The following KLC4 variants were observed in gnomAD, a reference collection of about 807,000 sequenced individuals.
KLC4 encodes kinesin light chain 4.
KLC4 carries 49 observed loss-of-function variants against 77.2 expected under a neutral mutation model. That is an observed-to-expected ratio of 0.63 (90% CI 0.50 to 0.80). KLC4 has a LOEUF of 0.80. KLC4 is among the 30% of genes least tolerant of loss of function. KLC4 has a pLI of 0.00. For synonymous variants in KLC4, 274 were observed against 314.5 expected, an observed-to-expected ratio of 0.87 and a Z score of 1.36; for missense variants, 669 against 793.5, an observed-to-expected ratio of 0.84 and a Z score of 1.89.
At chr6:43,065,455 C>T (rs1007589503) in intron 3 of KLC4, 165 bp from the exon 4 acceptor site, 3 of 555,980 alleles carry the variant, frequency 5.4e-6, no homozygotes, top group Non-Finnish European at 9.7e-6. Context: ...AAACAAGAGG[C>T]CTGAGCTTGG....
In KLC4 at chr6:43,070,960, G is replaced by A. The variant is rs570259383; in HGVS notation, c.1155+95G>A. The A allele has an allele frequency of 7.7e-5, 89 of 1,154,456 alleles. No individual in the cohort carries two copies. In the African/African-American group the frequency reaches 1.2e-3, roughly 16 times the overall value. 71.5% of individuals were successfully genotyped at this position (1,154,456 alleles called of 1,614,324 possible). A position where few individuals can be genotyped will look rare whatever the true frequency, so the allele number is the denominator to read the frequency against. On this transcript the variant is annotated intron_variant, in intron 8 of 15. Coordinates refer to ENST00000347162, the MANE Select transcript of KLC4 (RefSeq NM_201521.3). ...AGGCGGAGAGGCCACTTGGGTCCTA[G>A]AGTCAGGAAGCATCACAGTCTGGCA...
At chr6:43,062,619 A>T in intron 2 of KLC4, 1 of 435,874 alleles carries the variant, frequency 2.3e-6, no homozygotes, top group Non-Finnish European at 4.3e-6. Flanking sequence ...ACTTGGCATC[A>T]TCAGGTTGTT....
intron 6 of KLC4, among the ~76,000 whole-genome samples, chr6:43,069,038 G>A (rs1015731985): frequency 6.6e-6 from 1 of 151,934 alleles, no homozygotes; most frequent in Admixed American, 6.6e-5. Flanking sequence ...AACCCAGGAG[G>A]CTGAGGTTGC....
intron 12 of KLC4, 168 bp from the exon 13 acceptor site, chr6:43,072,656 A>G (rs934791328): frequency 1.6e-6 from 1 of 633,008 alleles, no homozygotes; most frequent in Non-Finnish European, 2.7e-6. Context: ...ATCTATATAT[A>G]GCAATGCATT....
rs564893432 is a variant in KLC4 at position 43,074,543 on chromosome 6, A to G, written c.1810-79A>G. ...CTAGGTCCAGAGATACACTGTGACC[A>G]TGGGATGGATGGACTCTAGGAGCCA... On this transcript the variant is annotated intron_variant, in intron 15 of 15. Coordinates refer to ENST00000347162, the MANE Select transcript of KLC4 (RefSeq NM_201521.3). 3 of 1,172,684 alleles carry G rather than the reference A, an allele frequency of 2.6e-6. No homozygotes were observed. In the East Asian group the frequency reaches 7.0e-5, roughly 27 times the overall value. The allele number at this position is 1,172,684 out of a possible 1,614,324, so 72.6% of individuals were successfully genotyped here.
rs547283493 is a variant in KLC4, at chr6:43,073,852, C to T, written c.1746-50C>T. 1.6e-4 allele frequency: 248 copies of T among 1,558,278 alleles called. 3 individuals carry two copies. The South Asian group carries it at 2.6e-3, about 16-fold the overall frequency. ...GCTCAAGAGGCCCACAGCCTTAAGG[C>T]CACTCAGGAGGAAGAGAGGAGGCCT... On this transcript the variant is annotated intron_variant, in intron 14 of 15. Transcript: ENST00000347162.
At chr6:43,074,597 GA>G in intron 15 of KLC4, 24 bp from the exon 16 acceptor site, 1 of 1,612,442 alleles carries the variant, frequency 6.2e-7, no homozygotes, top group Non-Finnish European at 8.5e-7. Context: ...TCCCTGAGCT[GA>G]TGGGGTAGTG....
Position 43,072,894 on chromosome 6 carries a change from A to G in KLC4, c.1559A>G (p.Gln520Arg). The change falls in exon 13 of 16, where the codon CAG becomes CGG. Residue 520 changes from glutamine to arginine, a missense_variant. By Grantham distance (43) the Gln-to-Arg change is conservative. Transcript: ENST00000347162. ...LGESDGRRTS[Q>R]EGPGDSVKFE... The stretch of plus-strand genomic sequence containing the variant: ...GAGAGTGATGGTAGAAGGACCTCCC[A>G]GGAGGGCCCTGGAGACAGTGTGAAA... 1 of 1,613,110 alleles carries G rather than the reference A, an allele frequency of 6.2e-7. No homozygotes were observed. Among genetic ancestry groups the G allele is most frequent in the Non-Finnish European group, 8.5e-7 (1 of 1,179,528 alleles).
chr6:43,068,303 C>T (rs1345257923), intron 6 of KLC4, among the ~76,000 whole-genome samples: 1 of 149,848 alleles, frequency 6.7e-6, no homozygotes, highest in East Asian at 2.0e-4. Context: ...GAAACCCCGT[C>T]TCTACTAAAA....
chr6:43,072,178 G>A lies in KLC4; in HGVS notation c.1411G>A (p.Gly471Arg), dbSNP rs753810049. ...AGTGAACACTACTCTGAGAAACCTG[G>A]GAGCTCTGTATAGGCGCCAGGGAAA... is the stretch of plus-strand genomic sequence containing the variant. ...PTVNTTLRNL[G>R]ALYRRQGKLE... is the part of the protein sequence containing the mutation. The change falls in exon 12 of 16, where the codon GGA (glycine) becomes AGA (arginine). Residue 471 changes from glycine to arginine, a missense_variant. Gly to Arg is a moderately radical substitution (Grantham distance 125, BLOSUM62 -2). Coordinates refer to ENST00000347162, the MANE Select transcript of KLC4 (RefSeq NM_201521.3). 2 of 1,614,082 alleles carry A rather than the reference G, an allele frequency of 1.2e-6. No individual in the cohort carries two copies. The highest frequency in any genetic ancestry group is 1.1e-5 in the South Asian group (1 of 91,066).
chr6:43,065,913 C>A (rs1288897899), intron 4 of KLC4, among the ~76,000 whole-genome samples: 1 of 152,182 alleles, frequency 6.6e-6, no homozygotes, highest in Non-Finnish European at 1.5e-5. Flanking sequence ...AGGTACTGTG[C>A]TAGGCACTAG....
chr6:43,072,512 A>G (rs1765782748), intron 12 of KLC4, among the ~76,000 whole-genome samples: 2 of 152,134 alleles, frequency 1.3e-5, no homozygotes, highest in African/African-American at 4.8e-5. Context: ...TTTCATAAGG[A>G]GGGGACCTGG....
At position 43,071,550 on chromosome 6, in the gene KLC4, C is replaced by A; in HGVS notation, c.1256-17C>A. 6.2e-7 allele frequency: 1 copy of A among 1,611,334 alleles called. No homozygotes were observed. The highest frequency in any genetic ancestry group is 1.7e-4 in the Middle Eastern group (1 of 5,748). ...AGCTCCCATCTCTAACCTCCCCACC[C>A]CATGTATCACCCCTAGATGACCACA... On this transcript the variant is annotated splice_polypyrimidine_tract_variant and intron_variant, in intron 9 of 15. Transcript: ENST00000347162.
chr6:43,073,118 G>A, intron 13 of KLC4, 105 bp from the exon 14 acceptor site: 3 of 1,308,702 alleles, frequency 2.3e-6, no homozygotes, highest in Admixed American at 4.5e-5. Context: ...CCAGTCACTG[G>A]GCCTTGGGGG....
At chr6:43,067,921 G>A (rs1582014669) in intron 6 of KLC4, among the ~76,000 whole-genome samples, 1 of 118,878 alleles carries the variant, frequency 8.4e-6, no homozygotes. Flanking sequence ...GACCATCCTG[G>A]CTAAAACGGT....
At chr6:43,066,866 C>A in intron 5 of KLC4, 130 bp from the exon 6 acceptor site, 1 of 1,358,914 alleles carries the variant, frequency 7.4e-7, no homozygotes, top group Non-Finnish European at 1.0e-6. Context: ...CCCTTACTGT[C>A]CACGCCAGGC....
chr6:43,074,042 G>A lies in KLC4; in HGVS notation c.1809+77G>A, dbSNP rs972032141. ...AGTGAGCAAGCCCAGTGGAGTAAGG[G>A]AAGAGGGAAGGGAGAGGAGTCATCT... On this transcript the variant is annotated intron_variant, in intron 15 of 15. Transcript: ENST00000347162. 7.4e-5 allele frequency: 84 copies of A among 1,141,186 alleles called. No individual in the cohort carries two copies. The African/African-American group carries it at 1.1e-3, about 15-fold the overall frequency. 70.7% of individuals were successfully genotyped at this position (1,141,186 alleles called of 1,614,324 possible). A position where few individuals can be genotyped will look rare whatever the true frequency, so the allele number is the denominator to read the frequency against.
chr6:43,067,164 G>A (rs894386472), intron 6 of KLC4, 81 bp downstream of exon 6: 39 of 1,548,924 alleles, frequency 2.5e-5, no homozygotes, highest in Non-Finnish European at 3.2e-5. Context: ...TCATCCATCT[G>A]CTGCCCTCAG....
chr6:43,074,190 GA>G (rs2150360378), intron 15 of KLC4: 1 of 495,668 alleles, frequency 2.0e-6, no homozygotes, highest in East Asian at 3.3e-5. Flanking sequence ...AATAAGGAGG[GA>G]AATAGGAATA....
Sources: allele counts gnomAD v4.1 joint callset (sites outside exome capture counted in the v4.1 genomes callset), GRCh38; gene constraint gnomAD v4.1.1; transcripts MANE v1.5; gene names NCBI Gene and HGNC (gene_info 2026-07-23, HGNC 2026-07-21).